TAFA1: variants seen among roughly 807,000 people sequenced by gnomAD.
TAFA1 encodes chemokine-like protein TAFA-1.
TAFA1 carries 4 observed loss-of-function variants against 18.5 expected under a neutral mutation model. The ratio of observed to expected loss-of-function variants is 0.22; its 90% confidence interval spans 0.11 to 0.49. The LOEUF (loss-of-function observed/expected upper bound fraction) is 0.49. TAFA1 is among the 20% of genes least tolerant of loss of function. The pLI, the probability that TAFA1 is intolerant of heterozygous loss-of-function variation, is 0.98. For synonymous variants in TAFA1, 56 were observed against 55.2 expected (o/e 1.01, Z -0.06); for missense variants, 147 against 169.0 (o/e 0.87, Z 0.72).
intron 2 of TAFA1, among the ~76,000 whole-genome samples, chr3:68,082,736 G>A (rs1485112323): frequency 6.6e-6 from 1 of 152,122 alleles, no homozygotes; most frequent in Non-Finnish European, 1.5e-5. Context: ...ATATAGTGAG[G>A]GCCTTGAAGG....
intron 2 of TAFA1, among the ~76,000 whole-genome samples, chr3:68,270,015 G>GT (rs1218996081): frequency 6.6e-6 from 1 of 152,140 alleles, no homozygotes; most frequent in Non-Finnish European, 1.5e-5. Flanking sequence ...TGGAAAGTCT[G>GT]TGCCCCTTTC....
Position 68,526,511 on chromosome 3 carries a change from A to G in TAFA1, c.260-12245A>G, listed in dbSNP as rs574691776. 2.0e-5 allele frequency among the ~76,000 whole-genome samples: 3 copies of G among 152,310 alleles called. No individual in the cohort carries two copies. The South Asian group carries it at 6.2e-4, about 32-fold the overall frequency. On this transcript the variant is annotated intron_variant, in intron 3 of 4. Coordinates refer to ENST00000478136, the MANE Select transcript of TAFA1 (RefSeq NM_213609.4). ...ATTTAATATTTGAGATCAACTGCAC[A>G]GTGGAATCAACCAAAAGTGATATTT...
intron 3 of TAFA1, among the ~76,000 whole-genome samples, chr3:68,476,697 T>C (rs2072103291): frequency 1.3e-5 from 2 of 152,202 alleles, no homozygotes; most frequent in African/African-American, 2.4e-5. Flanking sequence ...AGGATTATTT[T>C]CTAATACCCA....
At chr3:68,336,624 A>G (rs1172745001) in intron 2 of TAFA1, among the ~76,000 whole-genome samples, 5 of 152,270 alleles carry the variant, frequency 3.3e-5, no homozygotes, top group Non-Finnish European at 7.3e-5. Flanking sequence ...AAGGAAAGTT[A>G]CAATTATCAT....
chr3:68,293,410 T>A (rs929366840), intron 2 of TAFA1, among the ~76,000 whole-genome samples: 1 of 152,002 alleles, frequency 6.6e-6, no homozygotes, highest in African/African-American at 2.4e-5. Context: ...GAAAAAAAAA[T>A]CCCTGTTGTA....
chr3:68,331,785 C>A (rs191177979), intron 2 of TAFA1, among the ~76,000 whole-genome samples: 48 of 147,826 alleles, frequency 3.2e-4, no homozygotes, highest in Middle Eastern at 3.6e-3. Flanking sequence ...TAAACCCATT[C>A]ATATATGGTA....
intron 2 of TAFA1, among the ~76,000 whole-genome samples, chr3:68,220,197 T>G (rs1222206201): frequency 1.3e-5 from 2 of 152,166 alleles, no homozygotes; most frequent in African/African-American, 4.8e-5. Flanking sequence ...GATGTGAAAT[T>G]TATATGATCA....
chr3:68,541,768 G>A (rs2073379593), intron 4 of TAFA1, among the ~76,000 whole-genome samples: 1 of 152,158 alleles, frequency 6.6e-6, no homozygotes, highest in South Asian at 2.1e-4. Context: ...TCCAGGGAAA[G>A]GTTCCTGGGA....
chr3:67,999,287 C>CTCTGTGTGTGTG (rs1297823499), upstream of TAFA1, among the ~76,000 whole-genome samples: 1 of 147,662 alleles, frequency 6.8e-6, no homozygotes, highest in African/African-American at 2.5e-5. Context: ...CCCCCTCTCT[C>CTCTGTGTGTGTG]TGTGTGTGTG....
chr3:68,258,725 C>T (rs2067347465), intron 2 of TAFA1, among the ~76,000 whole-genome samples: 2 of 152,154 alleles, frequency 1.3e-5, no homozygotes, highest in African/African-American at 4.8e-5. Context: ...TCTAGTCCAA[C>T]CTTACTGGGT....
chr3:68,105,778 T>C (rs1277644448), intron 2 of TAFA1, among the ~76,000 whole-genome samples: 1 of 152,196 alleles, frequency 6.6e-6, no homozygotes, highest in Non-Finnish European at 1.5e-5. Flanking sequence ...GATACAGTGA[T>C]GTTTTCCTAC....
chr3:68,142,655 T>C (rs571541710), intron 2 of TAFA1, among the ~76,000 whole-genome samples: 61 of 152,140 alleles, frequency 4.0e-4, no homozygotes, highest in Admixed American at 1.4e-3. Flanking sequence ...GCTAAAGAAG[T>C]TCCTGTTAAA....
intron 2 of TAFA1, chr3:68,145,190 G>A: frequency 1.2e-6 from 1 of 815,516 alleles, no homozygotes; most frequent in East Asian, 2.4e-5. Context: ...AATACCACCT[G>A]CTACAAAATC....
chr3:68,030,034 A>G (rs1374246764), intron 2 of TAFA1, among the ~76,000 whole-genome samples: 1 of 152,174 alleles, frequency 6.6e-6, no homozygotes, highest in Non-Finnish European at 1.5e-5. Context: ...GTCAAGTGTA[A>G]GCTGAATTCC....
chr3:68,378,918 A>C (rs1273448162), intron 2 of TAFA1, among the ~76,000 whole-genome samples: 1 of 152,136 alleles, frequency 6.6e-6, no homozygotes, highest in Non-Finnish European at 1.5e-5. Context: ...AAGTTTCCTA[A>C]GACCTCCCAG....
At chr3:68,383,169 C>CTCTT (rs1559643792) in intron 2 of TAFA1, among the ~76,000 whole-genome samples, 2 of 151,920 alleles carry the variant, frequency 1.3e-5, no homozygotes, top group Non-Finnish European at 2.9e-5. Flanking sequence ...TTGACTTACT[C>CTCTT]TCTTTATTTC....
chr3:68,539,676 T>TGGGG (rs1280970633), intron 4 of TAFA1, among the ~76,000 whole-genome samples: 71 of 3,534 alleles, frequency 0.02, 5 homozygotes, highest in African/African-American at 0.068. Flanking sequence ...TGTGTGTGTG[T>TGGGG]GTGGGGGGGC....
At chr3:68,075,433 A>G (rs937226182) in intron 2 of TAFA1, among the ~76,000 whole-genome samples, 11 of 152,314 alleles carry the variant, frequency 7.2e-5, no homozygotes, top group South Asian at 2.1e-4. Context: ...CAACCCCACA[A>G]AGAAATTTTA....
chr3:68,413,019 C>T (rs1055954192), intron 2 of TAFA1, among the ~76,000 whole-genome samples: 4 of 151,898 alleles, frequency 2.6e-5, no homozygotes, highest in African/African-American at 9.7e-5. Context: ...CCTATTTCTC[C>T]ACATCCTCTC....
Sources: gnomAD v4.1 joint callset for allele counts (sites outside exome capture counted in the v4.1 genomes callset) on GRCh38, gnomAD v4.1.1 for gene constraint, MANE v1.5 for transcripts, NCBI Gene and HGNC (gene_info 2026-07-23, HGNC 2026-07-21) for gene names.